Variants in IPO9 observed in about 807,000 individuals in gnomAD.
IPO9 encodes importin 9, also known as importin-9.
A neutral mutation model predicts 128.6 loss-of-function variants in IPO9; 28 were observed. The ratio of observed to expected loss-of-function variants is 0.22; its 90% CI spans 0.16 to 0.30. The LOEUF is 0.30. Ranked by LOEUF, IPO9 falls within the 10% of genes least tolerant of loss-of-function variation. The pLI is 1.00. For missense variants in IPO9, 935 were observed against 1,293.9 expected, an observed-to-expected ratio of 0.72 and a Z score of 4.26; for synonymous variants, 455 against 475.8, an observed-to-expected ratio of 0.96 and a Z score of 0.57.
At position 201,878,059 on chromosome 1, in the gene IPO9, T is replaced by G. The variant is rs115566105; in HGVS notation, c.*2005T>G. ...AGTGTTCAACCTCCATGACTGAGAT[T>G]GGAAGAAGTAGAGTTAAAAGTTTTT... On this transcript the variant is annotated 3_prime_UTR_variant, in exon 24 of 24. Coordinates refer to ENST00000361565, the MANE Select transcript of IPO9 (RefSeq NM_018085.5). 207 of 152,310 alleles carry G rather than the reference T, an allele frequency of 1.4e-3. 1 individual carries two copies. Among genetic ancestry groups the G allele is most frequent in the African/African-American group, 4.8e-3 (200 of 41,556 alleles). The allele number at this position is 152,310 out of a possible 1,614,324, so 9.4% of individuals were successfully genotyped here.
intron 1 of IPO9, among the ~76,000 whole-genome samples, chr1:201,840,823 A>C (rs1225567850): frequency 6.6e-6 from 1 of 152,196 alleles, no homozygotes; most frequent in Non-Finnish European, 1.5e-5. Flanking sequence ...ACAAGAAGGG[A>C]ATATTTAAAA....
chr1:201,876,196 G>A lies in IPO9; in HGVS notation c.*142G>A, dbSNP rs1252628494. ...CCTTGGCCTCGGCAGTGACACTGAT[G>A]ACAATTCAGACCAGGCTCACCGGTG... On this transcript the variant is annotated 3_prime_UTR_variant, in exon 24 of 24. Coordinates refer to ENST00000361565, the MANE Select transcript of IPO9 (RefSeq NM_018085.5). The A allele has an allele frequency of 6.6e-6, 5 of 753,310 alleles. No homozygotes were observed. In the African/African-American group the frequency reaches 6.8e-5, roughly 10 times the overall value. The allele number at this position is 753,310 out of a possible 1,614,324, so 46.7% of individuals were successfully genotyped here. A position where few individuals can be genotyped will look rare whatever the true frequency, so the allele number is the denominator to read the frequency against.
chr1:201,855,185 A>G lies in IPO9; in HGVS notation c.970+3A>G, dbSNP rs1680307192. 13 of 1,577,396 alleles carry G rather than the reference A, an allele frequency of 8.2e-6. No individual in the cohort carries two copies. The highest frequency in any genetic ancestry group is 1.1e-5 in the Non-Finnish European group (13 of 1,147,924). On this transcript the variant is annotated splice_donor_region_variant and intron_variant, in intron 9 of 23. Coordinates refer to ENST00000361565, the MANE Select transcript of IPO9 (RefSeq NM_018085.5). ...AGAAGATCCTGTGGATTCTGATGGT[A>G]TGTAGTTTATTTGATCTTTATAGAA...
At chr1:201,859,183 AT>A (rs60839640) in intron 13 of IPO9, among the ~76,000 whole-genome samples, 189 bp downstream of exon 13, 47,498 of 130,778 alleles carry the variant, frequency 0.36, 11,780 homozygotes, top group East Asian at 0.48. Flanking sequence ...AAAGTATAAT[AT>A]ATATATATAT....
intron 2 of IPO9, 71 bp from the exon 3 acceptor site, chr1:201,847,481 C>A: frequency 7.2e-7 from 1 of 1,383,978 alleles, no homozygotes; most frequent in Non-Finnish European, 1.0e-6. Context: ...ATGTATCAGG[C>A]TATGTATATA....
At chr1:201,861,030 G>A (rs989366556) in intron 13 of IPO9, among the ~76,000 whole-genome samples, 1 of 152,164 alleles carries the variant, frequency 6.6e-6, no homozygotes, top group Non-Finnish European at 1.5e-5. Flanking sequence ...GCTGGGCGTG[G>A]TGGCACGCGT....
intron 13 of IPO9, among the ~76,000 whole-genome samples, 171 bp downstream of exon 13, chr1:201,859,165 T>A (rs539044787): frequency 1.1e-5 from 1 of 89,016 alleles, no homozygotes; most frequent in East Asian, 3.4e-4. Flanking sequence ...ACATGTACCC[T>A]AGAACTCAAA....
intron 1 of IPO9, among the ~76,000 whole-genome samples, chr1:201,840,276 G>T (rs1192905036): frequency 6.6e-6 from 1 of 152,128 alleles, no homozygotes; most frequent in Non-Finnish European, 1.5e-5. Flanking sequence ...TCACCATGTT[G>T]CCCAAGCTGG....
In IPO9 at chr1:201,839,944, A is replaced by G. The variant is rs542970558; in HGVS notation, c.164-7335A>G. On this transcript the variant is annotated intron_variant, in intron 1 of 23. Coordinates refer to ENST00000361565, the MANE Select transcript of IPO9 (RefSeq NM_018085.5). Reference sequence around the variant, plus strand: ...GACAAAAGGATAATACCTTTAATATATAAAGAATTCTTAAAAATTGAGGAA... The same window carrying G: ...GACAAAAGGATAATACCTTTAATATGTAAAGAATTCTTAAAAATTGAGGAA... Among the ~76,000 whole-genome samples, 64 of 152,360 alleles carry G rather than the reference A, an allele frequency of 4.2e-4. 2 individuals carry two copies. The highest frequency in any genetic ancestry group is 3.0e-3 in the Admixed American group (46 of 15,306).
At position 201,857,033 on chromosome 1, in the gene IPO9, C is replaced by T; in HGVS notation, c.1123-63C>T. On this transcript the variant is annotated intron_variant, in intron 10 of 23. Coordinates refer to ENST00000361565, the MANE Select transcript of IPO9 (RefSeq NM_018085.5). ...ATAATAGGTTGAAATCTTCCTGTAT[C>T]TGTTGATGAAAAGCTATGAATCAGA... is the stretch of plus-strand genomic sequence containing the variant. 3.0e-6 allele frequency: 3 copies of T among 1,008,968 alleles called. No homozygotes were observed. In the South Asian group the frequency reaches 3.8e-5, roughly 13 times the overall value. The allele number at this position is 1,008,968 out of a possible 1,614,324, so 62.5% of individuals were successfully genotyped here.
chr1:201,836,142 AAC>A (rs1162276799), intron 1 of IPO9, among the ~76,000 whole-genome samples: 1 of 150,694 alleles, frequency 6.6e-6, no homozygotes, highest in East Asian at 1.9e-4. Flanking sequence ...AAAAAAAAAA[AAC>A]AGACACCAAT....
intron 1 of IPO9, among the ~76,000 whole-genome samples, chr1:201,832,568 CTTAAA>C (rs1404326724): frequency 6.6e-6 from 1 of 152,226 alleles, no homozygotes; most frequent in Non-Finnish European, 1.5e-5. Flanking sequence ...CGGAAACACT[CTTAAA>C]ACTTGAAGTT....
chr1:201,838,336 A>G (rs1402127611), intron 1 of IPO9, among the ~76,000 whole-genome samples: 1 of 152,184 alleles, frequency 6.6e-6, no homozygotes, highest in Non-Finnish European at 1.5e-5. Context: ...TCACATGTGC[A>G]TTTTAGAGTG....
chr1:201,840,977 G>C (rs1680025132), intron 1 of IPO9, among the ~76,000 whole-genome samples: 1 of 152,022 alleles, frequency 6.6e-6, no homozygotes, highest in African/African-American at 2.4e-5. Context: ...AGGAAGAAGT[G>C]GCACTTCTTG....
At chr1:201,853,757 A>T (rs551472462) in intron 6 of IPO9, among the ~76,000 whole-genome samples, 1 of 151,814 alleles carries the variant, frequency 6.6e-6, no homozygotes, top group Non-Finnish European at 1.5e-5. Flanking sequence ...TTATTTATTT[A>T]GAGATGGAGT....
chr1:201,829,450 T>C (rs1679787302), intron 1 of IPO9, 78 bp downstream of exon 1: 2 of 1,383,766 alleles, frequency 1.4e-6, no homozygotes, highest in African/African-American at 3.0e-5. Context: ...GCTGGGGACA[T>C]GGGGAGCCTG....
At chr1:201,867,026 T>A in intron 15 of IPO9, 67 bp downstream of exon 15, 1 of 1,299,594 alleles carries the variant, frequency 7.7e-7, no homozygotes. Flanking sequence ...TGAATTTAAA[T>A]GAAAGATTCC....
At chr1:201,863,919 A>C (rs1018209912) in intron 14 of IPO9, among the ~76,000 whole-genome samples, 3 of 152,244 alleles carry the variant, frequency 2.0e-5, no homozygotes, top group African/African-American at 7.2e-5. Context: ...ACAGGGTTGC[A>C]CAATTGATGA....
chr1:201,857,125 A>G lies in IPO9; in HGVS notation c.1152A>G (p.Gln384=), dbSNP rs1337752802. The G allele has an allele frequency of 3.1e-6, 5 of 1,612,782 alleles. No homozygotes were observed. The highest frequency in any genetic ancestry group is 4.2e-6 in the Non-Finnish European group (5 of 1,178,876). The change falls in exon 11 of 24, where the codon CAA becomes CAG. Residue 384 remains glutamine, a synonymous_variant. Transcript: ENST00000361565. ...QIKVWTANPQ[Q]FVEDEDDDTF... ...AAGTATGGACAGCCAACCCCCAACA[A>G]TTTGTAGAAGATGAAGATGATGATA...
Sources: gnomAD v4.1 joint callset for allele counts (sites outside exome capture counted in the v4.1 genomes callset) on GRCh38, gnomAD v4.1.1 for gene constraint, MANE v1.5 for transcripts, NCBI Gene and HGNC (gene_info 2026-07-23, HGNC 2026-07-21) for gene names.